The following TNRC6A variants were observed in gnomAD, a reference collection of about 807,000 sequenced individuals.
TNRC6A encodes the protein trinucleotide repeat-containing gene 6A protein.
A neutral mutation model predicts 221.2 loss-of-function variants in TNRC6A; 44 were observed. The ratio of observed to expected loss-of-function variants is 0.20; its 90% CI spans 0.16 to 0.26. The LOEUF is 0.26. TNRC6A is among the 10% of genes least tolerant of loss of function. TNRC6A has a pLI of 1.00. For synonymous variants in TNRC6A, 847 were observed against 838.5 expected, an observed-to-expected ratio of 1.01 and a Z score of -0.18; for missense variants, 2,199 against 2,404.4, an observed-to-expected ratio of 0.91 and a Z score of 1.79.
chr16:24,717,279 C>T (rs2056331390), intron 2 of TNRC6A, among the ~76,000 whole-genome samples: 1 of 152,092 alleles, frequency 6.6e-6, no homozygotes, highest in African/African-American at 2.4e-5. Flanking sequence ...TCAAGTTATC[C>T]TCTACTTAAT....
chr16:24,625,586 C>T (rs533180132), intron 1 of TNRC6A, among the ~76,000 whole-genome samples: 65 of 151,874 alleles, frequency 4.3e-4, no homozygotes, highest in Admixed American at 1.0e-3. Context: ...ATTAGCCGGG[C>T]GCGGTGGCGG....
intron 2 of TNRC6A, among the ~76,000 whole-genome samples, chr16:24,699,999 G>A (rs1057345203): frequency 9.2e-5 from 14 of 152,036 alleles, no homozygotes; most frequent in African/African-American, 2.9e-4. Context: ...CTTCCACCAT[G>A]CTTGATTCTG....
At chr16:24,814,679 C>T (rs889404684) in intron 18 of TNRC6A, among the ~76,000 whole-genome samples, 1 of 152,126 alleles carries the variant, frequency 6.6e-6, no homozygotes, top group African/African-American at 2.4e-5. Flanking sequence ...TCCCAAAGTG[C>T]TGGGATTACA....
At chr16:24,778,527 C>T in intron 5 of TNRC6A, 1 of 977,386 alleles carries the variant, frequency 1.0e-6, no homozygotes. Context: ...AAGTCATTGT[C>T]CTGAGTTAAT....
intron 18 of TNRC6A, among the ~76,000 whole-genome samples, chr16:24,811,691 G>T (rs2058546648): frequency 6.6e-6 from 1 of 151,984 alleles, no homozygotes; most frequent in African/African-American, 2.4e-5. Flanking sequence ...TGGGTGCAGT[G>T]TGGAGAATTG....
Position 24,789,562 on chromosome 16 carries a change from G to T in TNRC6A, c.920G>T (p.Gly307Val), listed in dbSNP as rs1247691090. The T allele has an allele frequency of 6.2e-7, 1 of 1,614,014 alleles. No homozygotes were observed. Among genetic ancestry groups the T allele is most frequent in the African/African-American group, 1.3e-5 (1 of 74,926 alleles). Reference protein sequence around the residue: ...VGSSSNNVGHGSSTGPWGFSH... With the variant: ...VGSSSNNVGHVSSTGPWGFSH... Reference sequence around the variant, plus strand: ...AGCAGCAGCAATAATGTGGGCCATGGAAGTAGTACTGGGCCATGGGGTTTT... The same window carrying T: ...AGCAGCAGCAATAATGTGGGCCATGTAAGTAGTACTGGGCCATGGGGTTTT... Residue 307 changes from glycine (G) to valine (V), a missense_variant, in exon 6 of 25, where the codon GGA (glycine) becomes GTA (valine). Physicochemically the swap from Gly to Val is moderately radical, Grantham distance 109 (BLOSUM62 -3). This residue lies in a region of TNRC6A where 1,405 missense variants were observed against 1,400.2 expected (regional missense o/e 1.00). Transcript: ENST00000395799.
At chr16:24,752,488 T>A (rs1317103432) in intron 3 of TNRC6A, among the ~76,000 whole-genome samples, 1 of 152,174 alleles carries the variant, frequency 6.6e-6, no homozygotes, top group African/African-American at 2.4e-5. Flanking sequence ...GATGCATAGG[T>A]ATATGCCATG....
In TNRC6A at chr16:24,795,938, G is replaced by T. The variant is rs1162343844; in HGVS notation, c.3560G>T (p.Arg1187Met). 5 of 1,611,946 alleles carry T rather than the reference G, an allele frequency of 3.1e-6. No homozygotes were observed. In the Admixed American group the frequency reaches 8.3e-5, roughly 27 times the overall value. The change falls in exon 9 of 25, where the codon AGG (arginine) becomes ATG (methionine). Residue 1187 changes from arginine to methionine, a missense_variant and splice_region_variant. By Grantham distance (91) the Arg-to-Met change is moderately conservative (BLOSUM62 -1). Coordinates refer to ENST00000395799, the MANE Select transcript of TNRC6A (RefSeq NM_014494.4). ...GLSGKKRRRE[R>M]GMMKGGNKQE... ...AGTGGCAAAAAAAGGAGAAGGGAAAGGGTGTGTAGCCTTTTTACTCTTTCT... is the reference window on the plus strand; with the variant it reads ...AGTGGCAAAAAAAGGAGAAGGGAAATGGTGTGTAGCCTTTTTACTCTTTCT...
At chr16:24,764,924 TAATAA>T (rs1005240194) in intron 4 of TNRC6A, among the ~76,000 whole-genome samples, 4 of 152,172 alleles carry the variant, frequency 2.6e-5, no homozygotes, top group African/African-American at 7.2e-5. Flanking sequence ...TAACAACTAA[TAATAA>T]AATAAAATAG....
chr16:24,804,537 C>G (rs1482487243), intron 12 of TNRC6A, 168 bp from the exon 13 acceptor site: 6 of 1,184,506 alleles, frequency 5.1e-6, no homozygotes, highest in Non-Finnish European at 7.0e-6. Flanking sequence ...ATATGTTTGG[C>G]TCTTTTTGTG....
At chr16:24,659,062 G>GT (rs1162446486) in intron 2 of TNRC6A, among the ~76,000 whole-genome samples, 1 of 151,830 alleles carries the variant, frequency 6.6e-6, no homozygotes, top group African/African-American at 2.4e-5. Flanking sequence ...ACCCGCCTCA[G>GT]TCTCCCAAAG....
intron 4 of TNRC6A, among the ~76,000 whole-genome samples, chr16:24,771,354 G>C (rs909785032): frequency 6.6e-6 from 1 of 152,056 alleles, no homozygotes; most frequent in Admixed American, 6.6e-5. Context: ...CTTGCCCATG[G>C]TCATATAGCT....
chr16:24,734,396 TA>T (rs200408469), intron 2 of TNRC6A, among the ~76,000 whole-genome samples: 6 of 149,540 alleles, frequency 4.0e-5, no homozygotes, highest in South Asian at 2.1e-4. Flanking sequence ...TTTGCAGTTG[TA>T]AAAAAAAAAT....
chr16:24,618,205 G>A (rs559382959), intron 1 of TNRC6A, among the ~76,000 whole-genome samples: 1 of 152,332 alleles, frequency 6.6e-6, no homozygotes, highest in African/African-American at 2.4e-5. Flanking sequence ...ACTGGCGTGA[G>A]CCACTGCGCC....
At chr16:24,636,224 TA>T (rs1387485666) in intron 1 of TNRC6A, among the ~76,000 whole-genome samples, 2 of 152,252 alleles carry the variant, frequency 1.3e-5, no homozygotes, top group African/African-American at 2.4e-5. Context: ...GGTTGTTTTT[TA>T]TACTTGACCT....
intron 2 of TNRC6A, among the ~76,000 whole-genome samples, chr16:24,730,734 C>A: frequency 6.8e-4 from 1 of 1,474 alleles, no homozygotes; most frequent in Non-Finnish European, 3.6e-3. Flanking sequence ...TGTTCGCATT[C>A]CCCCCCGCCC....
At chr16:24,746,977 A>T (rs1352927532) in intron 2 of TNRC6A, among the ~76,000 whole-genome samples, 1 of 152,082 alleles carries the variant, frequency 6.6e-6, no homozygotes, top group East Asian at 1.9e-4. Context: ...GAGCCACCAT[A>T]CCCGGCCAGA....
intron 9 of TNRC6A, among the ~76,000 whole-genome samples, chr16:24,796,890 C>T (rs1211998387): frequency 5.3e-5 from 8 of 152,198 alleles, no homozygotes; most frequent in Admixed American, 4.6e-4. Context: ...ATGGAGTTTG[C>T]GTACCACCCA....
At chr16:24,657,726 G>T (rs1215059885) in intron 2 of TNRC6A, among the ~76,000 whole-genome samples, 1 of 146,158 alleles carries the variant, frequency 6.8e-6, no homozygotes, top group African/African-American at 2.5e-5. Flanking sequence ...AAAAAAAAAT[G>T]GAAATAAAAA....
Sources: allele counts gnomAD v4.1 joint callset (sites outside exome capture counted in the v4.1 genomes callset), GRCh38; gene constraint gnomAD v4.1.1; regional missense constraint gnomAD v4.1.1; transcripts MANE v1.5; gene names NCBI Gene and HGNC (gene_info 2026-07-23, HGNC 2026-07-21).